CDH10: variants seen among roughly 807,000 people sequenced by gnomAD.
CDH10 encodes cadherin 10.
In CDH10, 30 loss-of-function variants were observed where a neutral mutation model predicts 73.1. That is an observed-to-expected ratio of 0.41 (90% CI 0.31 to 0.56). The LOEUF is 0.56. Ranked by LOEUF, CDH10 falls within the 20% of genes least tolerant of loss-of-function variation. The pLI is 0.27. For synonymous variants in CDH10, 345 were observed against 348.2 expected (o/e 0.99, Z 0.10); for missense variants, 815 against 973.7 (o/e 0.84, Z 2.17).
intron 9 of CDH10, among the ~76,000 whole-genome samples, chr5:24,497,269 G>A (rs767542849): frequency 2.0e-5 from 3 of 151,978 alleles, no homozygotes; most frequent in Non-Finnish European, 2.9e-5. Flanking sequence ...TAGAGGGAGC[G>A]ATGTATGCAG....
chr5:24,561,206 T>C (rs113991235), intron 2 of CDH10, among the ~76,000 whole-genome samples: 2,472 of 152,234 alleles, frequency 0.016, 54 homozygotes, highest in Non-Finnish European at 0.021. Flanking sequence ...TGTCAACATA[T>C]GTGTAGTAAA....
chr5:24,563,051 T>C (rs1330218973), intron 2 of CDH10, among the ~76,000 whole-genome samples: 1 of 152,170 alleles, frequency 6.6e-6, no homozygotes, highest in Admixed American at 6.5e-5. Flanking sequence ...CCATATTCCA[T>C]TTAAACTTCA....
intron 2 of CDH10, among the ~76,000 whole-genome samples, chr5:24,586,653 C>A (rs1466938844): frequency 4.0e-5 from 6 of 151,210 alleles, no homozygotes; most frequent in African/African-American, 1.5e-4. Flanking sequence ...CCATGTTGGT[C>A]AGGCTGGTCT....
intron 2 of CDH10, among the ~76,000 whole-genome samples, chr5:24,567,661 A>T (rs1171758855): frequency 5.9e-5 from 9 of 152,092 alleles, no homozygotes; most frequent in Non-Finnish European, 1.5e-5. Flanking sequence ...GACTGGGAAG[A>T]CACAGAGGGA....
At chr5:24,564,163 T>C (rs918170958) in intron 2 of CDH10, among the ~76,000 whole-genome samples, 1 of 152,188 alleles carries the variant, frequency 6.6e-6, no homozygotes, top group African/African-American at 2.4e-5. Flanking sequence ...GGGACACTGC[T>C]TTCCCCAGAC....
At chr5:24,545,778 C>T (rs2111929060) in intron 2 of CDH10, among the ~76,000 whole-genome samples, 1 of 151,466 alleles carries the variant, frequency 6.6e-6, no homozygotes, top group South Asian at 2.1e-4. Flanking sequence ...ATGATCCTGC[C>T]ATGACATTCT....
chr5:24,589,171 C>T (rs77736456), intron 2 of CDH10, among the ~76,000 whole-genome samples: 12,150 of 152,066 alleles, frequency 0.08, 1,016 homozygotes, highest in African/African-American at 0.21. Context: ...AAGGAATAAA[C>T]ACTTCATGCA....
At chr5:24,497,613 TAA>T (rs1742340446) in intron 9 of CDH10, among the ~76,000 whole-genome samples, 2 of 152,216 alleles carry the variant, frequency 1.3e-5, no homozygotes, top group South Asian at 4.1e-4. Context: ...TTGATGTTTA[TAA>T]AGAGTATCAA....
At chr5:24,514,530 T>C (rs1743037812) in intron 5 of CDH10, among the ~76,000 whole-genome samples, 1 of 152,170 alleles carries the variant, frequency 6.6e-6, no homozygotes, top group Admixed American at 6.5e-5. Flanking sequence ...AACCTGTTGA[T>C]TGCAAGAACT....
chr5:24,585,631 C>T (rs1745966695), intron 2 of CDH10, among the ~76,000 whole-genome samples: 1 of 152,100 alleles, frequency 6.6e-6, no homozygotes, highest in African/African-American at 2.4e-5. Context: ...ACCATATTGT[C>T]CAGGCTGGTC....
chr5:24,634,138 T>C (rs1021330686), intron 1 of CDH10, among the ~76,000 whole-genome samples: 10 of 151,858 alleles, frequency 6.6e-5, no homozygotes, highest in African/African-American at 2.4e-4. Flanking sequence ...TTAAAGAATT[T>C]GAAGGATTTT....
At chr5:24,553,134 A>ACTT (rs550393886) in intron 2 of CDH10, among the ~76,000 whole-genome samples, 1 of 152,042 alleles carries the variant, frequency 6.6e-6, no homozygotes, top group Non-Finnish European at 1.5e-5. Context: ...CATTTCATTA[A>ACTT]CTTCTTCTTC....
intron 8 of CDH10, among the ~76,000 whole-genome samples, chr5:24,500,264 TATATA>T (rs1425923324): frequency 2.0e-5 from 3 of 152,216 alleles, no homozygotes; most frequent in African/African-American, 7.2e-5. Context: ...TAAAAAATGA[TATATA>T]AGAACAGACT....
chr5:24,619,984 A>G (rs926530500), intron 1 of CDH10, among the ~76,000 whole-genome samples: 11 of 152,218 alleles, frequency 7.2e-5, no homozygotes, highest in Non-Finnish European at 1.2e-4. Context: ...TGTAACCAGA[A>G]GGGACTAAGA....
intron 9 of CDH10, among the ~76,000 whole-genome samples, chr5:24,493,373 G>A (rs1395492727): frequency 6.6e-6 from 1 of 151,750 alleles, no homozygotes; most frequent in African/African-American, 2.4e-5. Context: ...TTTTAACAGA[G>A]TCTTAAACAT....
At chr5:24,538,695 C>A (rs1744046517) in intron 2 of CDH10, among the ~76,000 whole-genome samples, 1 of 152,034 alleles carries the variant, frequency 6.6e-6, no homozygotes, top group Non-Finnish European at 1.5e-5. Flanking sequence ...TAAAGAAGAG[C>A]CTCTTCTAAA....
At chr5:24,503,583 T>C (rs1742576814) in intron 8 of CDH10, among the ~76,000 whole-genome samples, 1 of 152,214 alleles carries the variant, frequency 6.6e-6, no homozygotes, top group Non-Finnish European at 1.5e-5. Context: ...GAACTTTCAT[T>C]ACTAGAGACA....
At chr5:24,584,034 T>G (rs566720112) in intron 2 of CDH10, among the ~76,000 whole-genome samples, 1 of 152,344 alleles carries the variant, frequency 6.6e-6, no homozygotes, top group Non-Finnish European at 1.5e-5. Context: ...TTTACAACTT[T>G]CTTGATTCTT....
At chr5:24,601,000 A>G (rs1392210547) in intron 1 of CDH10, among the ~76,000 whole-genome samples, 1 of 152,138 alleles carries the variant, frequency 6.6e-6, no homozygotes, top group African/African-American at 2.4e-5. Flanking sequence ...TCTTAAAAAA[A>G]TAAAAGAAGA....
Sources: allele counts gnomAD v4.1 joint callset (sites outside exome capture counted in the v4.1 genomes callset), GRCh38; gene constraint gnomAD v4.1.1; transcripts MANE v1.5; gene names NCBI Gene and HGNC (gene_info 2026-07-23, HGNC 2026-07-21).